Variants in POLR2M observed in about 807,000 individuals in gnomAD.
POLR2M encodes RNA polymerase II subunit M.
A neutral mutation model predicts 34.6 loss-of-function variants in POLR2M; 30 were observed. The observed-to-expected ratio is 0.87, with a 90% CI of 0.65 to 1.18. POLR2M has a LOEUF of 1.18. POLR2M is among the 50% of genes most tolerant of loss of function. The pLI, the probability that POLR2M is intolerant of heterozygous loss-of-function variation, is 0.00. For missense variants in POLR2M, 432 were observed against 448.7 expected (o/e 0.96, Z 0.34); for synonymous variants, 150 against 166.7 (o/e 0.90, Z 0.77).
At chr15:57,707,118 A>G in intron 1 of POLR2M, 163 bp downstream of exon 1, 1 of 1,544,038 alleles carries the variant, frequency 6.5e-7, no homozygotes, top group African/African-American at 1.4e-5. Context: ...TTGCTGCGGC[A>G]GAGCCGTGCC....
chr15:57,709,375 A>G lies in POLR2M; in HGVS notation c.758+17A>G. On this transcript the variant is annotated intron_variant, in intron 2 of 3. Transcript: ENST00000299638. Reference sequence around the variant, plus strand: ...AACCAATGTGTAAGTACCCTCGGAAACAGGCCTGTAACAGGAACGTGATAT... The same window carrying G: ...AACCAATGTGTAAGTACCCTCGGAAGCAGGCCTGTAACAGGAACGTGATAT... The G allele has an allele frequency of 6.3e-7, 1 of 1,598,828 alleles. No individual in the cohort carries two copies. Among genetic ancestry groups the G allele is most frequent in the African/African-American group, 1.3e-5 (1 of 74,264 alleles).
In POLR2M at chr15:57,712,318, C is replaced by T. The variant is rs988842573; in HGVS notation, c.963+130C>T. 1.8e-5 allele frequency: 19 copies of T among 1,082,954 alleles called. No homozygotes were observed. The African/African-American group carries it at 1.8e-4, about 10-fold the overall frequency. 67.1% of individuals were successfully genotyped at this position (1,082,954 alleles called of 1,614,324 possible). A position where few individuals can be genotyped will look rare whatever the true frequency, so the allele number is the denominator to read the frequency against. ...TGCTTCCATGAGCTCAGATCTATGC[C>T]ACTAGTTTTCAGAGAGTCACAAAGT... On this transcript the variant is annotated intron_variant, in intron 3 of 3. Coordinates refer to ENST00000299638, the MANE Select transcript of POLR2M (RefSeq NM_015532.5).
At position 57,706,941 on chromosome 15, in the gene POLR2M, A is replaced by G. The variant is rs763299470; in HGVS notation, c.99A>G (p.Arg33=). Residue 33 remains arginine, a synonymous_variant, in exon 1 of 4, where the codon AGA becomes AGG. Transcript: ENST00000299638. ...GGGAAATGTTGAAGCGCCAGGAGAGACTTTTGCGCAACGAGTAAGCTGGGG... is the reference window on the plus strand; with the variant it reads ...GGGAAATGTTGAAGCGCCAGGAGAGGCTTTTGCGCAACGAGTAAGCTGGGG... The part of the protein sequence containing the change: ...ELREMLKRQE[R]LLRNEKFICK... 2.5e-6 allele frequency: 4 copies of G among 1,602,016 alleles called. No homozygotes were observed. The highest frequency in any genetic ancestry group is 1.7e-4 in the Middle Eastern group (1 of 6,036).
intron 2 of POLR2M, 135 bp downstream of exon 2, chr15:57,709,493 T>C: frequency 8.8e-6 from 9 of 1,024,632 alleles, no homozygotes; most frequent in Non-Finnish European, 1.1e-5. Flanking sequence ...AAGACAGCTT[T>C]GAGTCCAGGA....
chr15:57,711,829 C>T (rs2040730794), intron 2 of POLR2M, among the ~76,000 whole-genome samples, 155 bp from the exon 3 acceptor site: 1 of 151,720 alleles, frequency 6.6e-6, no homozygotes, highest in Admixed American at 6.6e-5. Context: ...CACAAACACA[C>T]CCCTATTTGT....
In POLR2M at chr15:57,712,643, ATGT is replaced by A. The variant is rs138485405; in HGVS notation, c.963+459_963+461del. On this transcript the variant is annotated intron_variant, in intron 3 of 3. Transcript: ENST00000299638. ...AGGGCATAGAAGGAGTGGGAGGATA[ATGT>A]TGTGTAGCCAGCAGACAGTGAGACA... 4.1e-3 allele frequency among the ~76,000 whole-genome samples: 622 copies of A among 152,236 alleles called. 2 individuals are homozygous for A. The highest frequency in any genetic ancestry group is 0.014 in the Middle Eastern group (4 of 294).
In POLR2M at chr15:57,712,089, C is replaced by A; in HGVS notation, c.864C>A (p.Ile288=). The change falls in exon 3 of 4, where the codon ATC becomes ATA. Residue 288 remains isoleucine, a synonymous_variant. Coordinates refer to ENST00000299638, the MANE Select transcript of POLR2M (RefSeq NM_015532.5). ...GGGATAAGCAGCATCTTGATGACATCACAGCAGCTCGGCTTCTACCACTTC... is the reference window on the plus strand; with the variant it reads ...GGGATAAGCAGCATCTTGATGACATAACAGCAGCTCGGCTTCTACCACTTC... The part of the protein sequence containing the change: ...RRRDKQHLDD[I]TAARLLPLHH... 1 of 1,614,098 alleles carries A rather than the reference C, an allele frequency of 6.2e-7. No homozygotes were observed.
chr15:57,712,300 A>G (rs925923957), intron 3 of POLR2M, 112 bp downstream of exon 3: 24 of 1,247,968 alleles, frequency 1.9e-5, no homozygotes, highest in Admixed American at 4.9e-5. Flanking sequence ...AGGTGCTTCC[A>G]TGAGCTCAGA....
Position 57,709,070 on chromosome 15 carries a change from G to C in POLR2M, c.470G>C (p.Ser157Thr). The change falls in exon 2 of 4, where the codon AGC becomes ACC. Residue 157 changes from serine (S) to threonine (T), a missense_variant. By Grantham distance (58) the Ser-to-Thr change is moderately conservative. Transcript: ENST00000299638. ...EYTVNKGPAS[S>T]NRDRVPPSSE... ...ACAGTGAATAAGGGCCCAGCTTCCA[G>C]CAATAGAGACAGGGTACCACCTTCA... 6.2e-7 allele frequency: 1 copy of C among 1,614,148 alleles called. No individual in the cohort carries two copies.
intron 3 of POLR2M, 42 bp downstream of exon 3, chr15:57,712,230 G>GCTTA: frequency 6.2e-7 from 1 of 1,604,010 alleles, no homozygotes; most frequent in Non-Finnish European, 8.5e-7. Context: ...GTTGGGTGCT[G>GCTTA]CTTACATAAG....
At position 57,714,280 on chromosome 15, in the gene POLR2M, T is replaced by C. The variant is rs549935220; in HGVS notation, c.964-256T>C. 3.3e-5 allele frequency among the ~76,000 whole-genome samples: 5 copies of C among 152,288 alleles called. 1 individual carries two copies. The highest frequency in any genetic ancestry group is 1.2e-4 in the African/African-American group (5 of 41,574). Reference sequence around the variant, plus strand: ...GCTAAGCTCATTACTCAGTTTCTTATATAGAGGAGTGTATTTCAGTGCAAT... The same window carrying C: ...GCTAAGCTCATTACTCAGTTTCTTACATAGAGGAGTGTATTTCAGTGCAAT... On this transcript the variant is annotated intron_variant, in intron 3 of 3. Transcript: ENST00000299638.
Position 57,709,168 on chromosome 15 carries a change from A to G in POLR2M, c.568A>G (p.Asn190Asp). The change falls in exon 2 of 4, where the codon AAC becomes GAC. Residue 190 changes from asparagine (N) to aspartate (D), a missense_variant. Physicochemically the swap from Asn to Asp is conservative, Grantham distance 23. Transcript: ENST00000299638. ...QAEDTSSSFD[N>D]LFIDRLQRIT... The stretch of plus-strand genomic sequence containing the variant: ...GGAAGATACTTCCAGCAGCTTTGAC[A>G]ACCTGTTTATTGACAGGTTACAGAG... 6.2e-7 allele frequency: 1 copy of G among 1,614,250 alleles called. No homozygotes were observed. Among genetic ancestry groups the G allele is most frequent in the Non-Finnish European group, 8.5e-7 (1 of 1,180,052 alleles).
At chr15:57,711,938 CAAATA>C (rs1166098544) in intron 2 of POLR2M, 41 bp from the exon 3 acceptor site, 2 of 1,604,814 alleles carry the variant, frequency 1.2e-6, no homozygotes, top group African/African-American at 1.3e-5. Context: ...AATGTGTCTA[CAAATA>C]AAATAATCTG....
At chr15:57,713,647 A>G (rs767995333) in intron 3 of POLR2M, among the ~76,000 whole-genome samples, 1 of 152,038 alleles carries the variant, frequency 6.6e-6, no homozygotes, top group Non-Finnish European at 1.5e-5. Context: ...TGGACTTTTT[A>G]TTGGATACTA....
chr15:57,710,583 A>G (rs1279202289), intron 2 of POLR2M, among the ~76,000 whole-genome samples: 3 of 152,236 alleles, frequency 2.0e-5, no homozygotes, highest in Non-Finnish European at 4.4e-5. Flanking sequence ...ACAGTGGGGT[A>G]TCTTTCTTCA....
chr15:57,716,090 A>G lies in POLR2M; in HGVS notation c.*1411A>G, dbSNP rs563015383. ...ACAGTTCCCTGTAATCCTGCCATCT[A>G]GGGAGATAAACTCTGTTAACATTTT... On this transcript the variant is annotated 3_prime_UTR_variant, in exon 4 of 4. Transcript: ENST00000299638. 31 of 152,416 alleles carry G rather than the reference A, an allele frequency of 2.0e-4. No individual in the cohort carries two copies. Among genetic ancestry groups the G allele is most frequent in the African/African-American group, 7.2e-4 (30 of 41,598 alleles). 9.4% of individuals were successfully genotyped at this position (152,416 alleles called of 1,614,324 possible).
At chr15:57,713,431 G>T (rs936319996) in intron 3 of POLR2M, among the ~76,000 whole-genome samples, 2 of 150,922 alleles carry the variant, frequency 1.3e-5, no homozygotes, top group Non-Finnish European at 3.0e-5. Context: ...TCTTTAAATT[G>T]TTTTTTTTTA....
intron 2 of POLR2M, among the ~76,000 whole-genome samples, chr15:57,710,771 A>G (rs16977641): frequency 2.4e-3 from 372 of 152,336 alleles, no homozygotes; most frequent in African/African-American, 8.2e-3. Flanking sequence ...AGCCTCCTGT[A>G]TAAGTTAGAG....
chr15:57,713,820 CTTTTTTTTTTTTTTTTTTTTTTT>C (rs869161314), intron 3 of POLR2M, among the ~76,000 whole-genome samples: 79 of 65,638 alleles, frequency 1.2e-3, no homozygotes, highest in African/African-American at 4.2e-3. Context: ...ATTAGTCCTT[CTTTTTTTTTTTTTTTTTTTTTTT>C]TTTTTTTTTT....
Sources: allele counts gnomAD v4.1 joint callset (sites outside exome capture counted in the v4.1 genomes callset), GRCh38; gene constraint gnomAD v4.1.1; transcripts MANE v1.5; gene names NCBI Gene and HGNC (gene_info 2026-07-23, HGNC 2026-07-21).